TSGA10: variants seen among roughly 807,000 people sequenced by gnomAD.
The protein encoded by TSGA10 is testis-specific gene 10 protein.
TSGA10 carries 43 observed loss-of-function variants against 96.6 expected under a neutral mutation model. The ratio of observed to expected loss-of-function variants is 0.44; its 90% CI spans 0.35 to 0.57. The LOEUF is 0.57. Ranked by LOEUF, TSGA10 falls within the 20% of genes least tolerant of loss-of-function variation. The pLI is 0.01. For missense variants in TSGA10, 703 were observed against 834.4 expected, an observed-to-expected ratio of 0.84 and a Z score of 1.94; for synonymous variants, 229 against 269.9, an observed-to-expected ratio of 0.85 and a Z score of 1.48.
chr2:99,111,032 A>G (rs538121270), intron 4 of TSGA10, 117 bp from the exon 5 acceptor site: 8 of 181,750 alleles, frequency 4.4e-5, no homozygotes, highest in Non-Finnish European at 7.4e-5. Context: ...GGCAGTGAAT[A>G]TTTTAAAGAA....
At chr2:99,038,634 A>T (rs1378225689) in intron 16 of TSGA10, among the ~76,000 whole-genome samples, 1 of 152,212 alleles carries the variant, frequency 6.6e-6, no homozygotes, top group Non-Finnish European at 1.5e-5. Flanking sequence ...TGCATCTAAC[A>T]TTGGAGCTCC....
At chr2:99,071,915 A>T in intron 13 of TSGA10, 41 bp from the exon 14 acceptor site, 1 of 1,536,992 alleles carries the variant, frequency 6.5e-7, no homozygotes, top group Non-Finnish European at 8.8e-7. Context: ...GAGACATTTT[A>T]CTGAAACAGA....
At chr2:99,045,319 A>G (rs1326839161) in intron 16 of TSGA10, among the ~76,000 whole-genome samples, 1 of 152,190 alleles carries the variant, frequency 6.6e-6, no homozygotes, top group African/African-American at 2.4e-5. Context: ...AAAAAATGTT[A>G]AGGGCAGCCA....
chr2:99,083,612 A>G (rs1484048917), intron 10 of TSGA10, among the ~76,000 whole-genome samples: 2 of 152,256 alleles, frequency 1.3e-5, no homozygotes, highest in African/African-American at 4.8e-5. Context: ...AAATTATGGT[A>G]CATTCATACT....
At chr2:99,141,207 C>T in intron 1 of TSGA10, 3 of 1,145,128 alleles carry the variant, frequency 2.6e-6, no homozygotes, top group Non-Finnish European at 3.4e-6. Flanking sequence ...TCCTCCGCCC[C>T]TTTCTCCTCC....
chr2:99,130,301 G>A (rs559689747), intron 1 of TSGA10, among the ~76,000 whole-genome samples: 30 of 152,226 alleles, frequency 2.0e-4, no homozygotes, highest in Non-Finnish European at 3.2e-4. Flanking sequence ...GCTGTTTCCC[G>A]ACTTTTTAAT....
chr2:99,052,017 C>T (rs2083444013), intron 16 of TSGA10, among the ~76,000 whole-genome samples: 1 of 151,628 alleles, frequency 6.6e-6, no homozygotes, highest in African/African-American at 2.4e-5. Flanking sequence ...AAGTACCTAT[C>T]TTTAAAAAGA....
In TSGA10 at chr2:99,154,769, G is replaced by A. The variant is rs1362889519; in HGVS notation, c.-697C>T. 4.2e-5 allele frequency: 13 copies of A among 312,192 alleles called. No individual in the cohort carries two copies. In the Admixed American group the frequency reaches 5.6e-4, roughly 13 times the overall value. 19.3% of individuals were successfully genotyped at this position (312,192 alleles called of 1,614,324 possible). A position where few individuals can be genotyped will look rare whatever the true frequency, so the allele number is the denominator to read the frequency against. The stretch of plus-strand genomic sequence containing the variant: ...TCTGAACTGGGGCCTTATGACCTTC[G>A]GTACTTTTATTCGAACGTAGCCTGC... On this transcript the variant is annotated 5_prime_UTR_variant, in exon 1 of 21. Transcript: ENST00000393483.
At chr2:99,027,878 T>C (rs1469993730) in intron 17 of TSGA10, among the ~76,000 whole-genome samples, 2 of 152,238 alleles carry the variant, frequency 1.3e-5, no homozygotes, top group African/African-American at 4.8e-5. Context: ...CCAGAAATTT[T>C]AAATAATATA....
At chr2:99,081,018 TATC>T (rs762199334) in intron 11 of TSGA10, among the ~76,000 whole-genome samples, 3 of 152,172 alleles carry the variant, frequency 2.0e-5, no homozygotes, top group Non-Finnish European at 2.9e-5. Context: ...AAATTTAAGT[TATC>T]ATCGTAAGTT....
intron 20 of TSGA10, among the ~76,000 whole-genome samples, chr2:99,014,809 T>A (rs962526376): frequency 3.4e-4 from 51 of 152,046 alleles, no homozygotes; most frequent in African/African-American, 1.1e-3. Flanking sequence ...ACAGGAGATA[T>A]TACAACCAAT....
intron 20 of TSGA10, among the ~76,000 whole-genome samples, chr2:99,007,244 A>T (rs1312914273): frequency 6.6e-6 from 1 of 152,224 alleles, no homozygotes; most frequent in Non-Finnish European, 1.5e-5. Flanking sequence ...ATACATATGT[A>T]ACAAACCTGC....
At chr2:99,149,815 A>G (rs1399108551) in intron 1 of TSGA10, among the ~76,000 whole-genome samples, 21 of 109,146 alleles carry the variant, frequency 1.9e-4, no homozygotes, top group South Asian at 3.0e-4. Context: ...TTTTTAAGAC[A>G]GAGTCTCGCT....
intron 10 of TSGA10, among the ~76,000 whole-genome samples, chr2:99,103,191 G>A (rs2090967291): frequency 6.6e-6 from 1 of 151,932 alleles, no homozygotes; most frequent in Non-Finnish European, 1.5e-5. Context: ...TTAAGTTCCG[G>A]GGTACATGTG....
chr2:99,116,232 T>G (rs2092251375), intron 4 of TSGA10, among the ~76,000 whole-genome samples: 2 of 152,220 alleles, frequency 1.3e-5, no homozygotes, highest in African/African-American at 4.8e-5. Flanking sequence ...TTCAACAGGT[T>G]GTTTTTTGGC....
intron 14 of TSGA10, among the ~76,000 whole-genome samples, chr2:99,070,392 G>A (rs1296242853): frequency 1.3e-5 from 2 of 151,956 alleles, no homozygotes; most frequent in African/African-American, 4.8e-5. Flanking sequence ...GCCTCTTCAT[G>A]TAGAAAAAAG....
rs75641615 is a variant in TSGA10 at position 99,124,595 on chromosome 2, A to G, written c.-492+2453T>C. Among the ~76,000 whole-genome samples, 609 of 151,730 alleles carry G rather than the reference A, an allele frequency of 4.0e-3. 17 individuals are homozygous for G. In the East Asian group the frequency reaches 0.077, roughly 19 times the overall value. On this transcript the variant is annotated intron_variant, in intron 2 of 20. Transcript: ENST00000393483. ...TAATACTGTTACATTATATATATAT[A>G]TTTTTTTGAGACAGAATCTCGGTCT...
intron 1 of TSGA10, among the ~76,000 whole-genome samples, chr2:99,146,138 C>G (rs769975796): frequency 6.6e-6 from 1 of 152,172 alleles, no homozygotes; most frequent in African/African-American, 2.4e-5. Context: ...CAAAAATTAG[C>G]CGGGCATGGT....
chr2:99,059,090 A>T (rs2084359595), intron 16 of TSGA10, among the ~76,000 whole-genome samples: 1 of 147,002 alleles, frequency 6.8e-6, no homozygotes, highest in African/African-American at 2.5e-5. Flanking sequence ...TTATATATAT[A>T]TATATATGCA....
Sources: gnomAD v4.1 joint callset for allele counts (sites outside exome capture counted in the v4.1 genomes callset) on GRCh38, gnomAD v4.1.1 for gene constraint, MANE v1.5 for transcripts, NCBI Gene and HGNC (gene_info 2026-07-23, HGNC 2026-07-21) for gene names.